Variants in CHODL observed in about 807,000 individuals in gnomAD.
CHODL encodes chondrolectin, also known as transmembrane protein MT75.
A neutral mutation model predicts 34.5 loss-of-function variants in CHODL; 29 were observed. That is an observed-to-expected ratio of 0.84 (90% CI 0.63 to 1.15). The LOEUF (loss-of-function observed/expected upper bound fraction) is 1.15, where lower values mean the gene tolerates loss of function less well. Ranked by LOEUF, CHODL falls within the 50% of genes most tolerant of loss-of-function variation. CHODL has a pLI of 0.00. For missense variants in CHODL, 332 were observed against 332.5 expected (o/e 1.00, Z 0.01); for synonymous variants, 125 against 116.1 (o/e 1.08, Z -0.49).
chr21:18,250,937 A>G (rs544660327), intron 1 of CHODL, among the ~76,000 whole-genome samples: 1 of 151,836 alleles, frequency 6.6e-6, no homozygotes, highest in East Asian at 1.9e-4. Context: ...TGAAAAAGTG[A>G]TATAAATTCA....
At chr21:17,987,513 C>A (rs1166214003) in intron 1 of CHODL, among the ~76,000 whole-genome samples, 1 of 152,130 alleles carries the variant, frequency 6.6e-6, no homozygotes, top group Admixed American at 6.5e-5. Context: ...TCACAGCTGC[C>A]ACTTGAAGCT....
intron 1 of CHODL, among the ~76,000 whole-genome samples, chr21:17,939,712 C>T (rs1263409991): frequency 1.3e-5 from 2 of 152,182 alleles, no homozygotes; most frequent in South Asian, 4.1e-4. Context: ...CTCACATTGT[C>T]CGTGAATAAA....
At chr21:17,980,704 G>T (rs891897735) in intron 1 of CHODL, among the ~76,000 whole-genome samples, 9 of 152,166 alleles carry the variant, frequency 5.9e-5, no homozygotes, top group Non-Finnish European at 1.2e-4. Context: ...ACTGGTCTGA[G>T]AAAGAACTTA....
intron 2 of CHODL, among the ~76,000 whole-genome samples, chr21:18,197,143 T>C (rs1414125466): frequency 6.6e-6 from 1 of 152,098 alleles, no homozygotes; most frequent in African/African-American, 2.4e-5. Flanking sequence ...TGCACCTCAA[T>C]AAAGGTGAAA....
intron 1 of CHODL, among the ~76,000 whole-genome samples, chr21:17,976,270 GAAAAAAAAAAAAAA>G (rs71318119): frequency 7.5e-5 from 5 of 66,534 alleles, no homozygotes; most frequent in Non-Finnish European, 1.3e-4. Context: ...GACCATCTCA[GAAAAAAAAAAAAAA>G]AAAAAAAAAA....
intron 2 of CHODL, among the ~76,000 whole-genome samples, chr21:18,108,946 C>T (rs2065312475): frequency 6.6e-6 from 1 of 151,602 alleles, no homozygotes; most frequent in African/African-American, 2.4e-5. Flanking sequence ...TAATGTAATT[C>T]ACATATCACA....
intron 1 of CHODL, among the ~76,000 whole-genome samples, chr21:17,973,006 A>T (rs113738154): frequency 4.1e-4 from 63 of 152,154 alleles, no homozygotes; most frequent in African/African-American, 1.5e-3. Flanking sequence ...CCACCATCTG[A>T]TCTTTGACAA....
At chr21:18,136,734 ATATATATATATATATATATG>A (rs1284126297) in intron 2 of CHODL, among the ~76,000 whole-genome samples, 3 of 125,332 alleles carry the variant, frequency 2.4e-5, no homozygotes, top group African/African-American at 1.4e-4. Context: ...ATATATATAT[ATATATATATATATATATATG>A]TATACACATA....
chr21:18,074,610 G>A (rs1219232786), intron 2 of CHODL, among the ~76,000 whole-genome samples: 1 of 151,994 alleles, frequency 6.6e-6, no homozygotes, highest in Non-Finnish European at 1.5e-5. Context: ...AACTTGTGGT[G>A]GGCTGTCCTT....
chr21:17,942,560 G>C (rs1416749713), intron 1 of CHODL, among the ~76,000 whole-genome samples: 1 of 152,080 alleles, frequency 6.6e-6, no homozygotes, highest in Non-Finnish European at 1.5e-5. Flanking sequence ...TCAGGAGTGT[G>C]AAAGTGGACT....
chr21:18,109,096 G>T (rs2065314899), intron 2 of CHODL, among the ~76,000 whole-genome samples: 1 of 152,224 alleles, frequency 6.6e-6, no homozygotes, highest in South Asian at 2.1e-4. Context: ...CATTAATTAT[G>T]TAGCAGCAGT....
At position 17,926,710 on chromosome 21, in the gene CHODL, C is replaced by T. The variant is rs188678732; in HGVS notation, c.-145+9310C>T. Among the ~76,000 whole-genome samples, 422 of 152,182 alleles carry T rather than the reference C, an allele frequency of 2.8e-3. 3 individuals carry two copies. Among genetic ancestry groups the T allele is most frequent in the African/African-American group, 9.4e-3 (389 of 41,510 alleles). ...CCTCCACCTGGTCCCGCCCTTGACACGTGGATTATAGGGATTACAATTCAA... is the reference window on the plus strand; with the variant it reads ...CCTCCACCTGGTCCCGCCCTTGACATGTGGATTATAGGGATTACAATTCAA... On this transcript the variant is annotated intron_variant, in intron 1 of 6. Coordinates refer to the CHODL transcript ENST00000400127.
chr21:17,941,976 T>G lies in CHODL; in HGVS notation c.-145+24576T>G, dbSNP rs556798693. On this transcript the variant is annotated intron_variant, in intron 1 of 6. Coordinates refer to the CHODL transcript ENST00000400127. ...CCCATTCATGACGCCTTCACTCTTA[T>G]GACCTTATCTTCCAACAGCCCCATT... Among the ~76,000 whole-genome samples the G allele has an allele frequency of 6.2e-4, 94 of 152,326 alleles. 1 individual carries two copies. Among genetic ancestry groups the G allele is most frequent in the African/African-American group, 2.2e-3 (92 of 41,576 alleles).
intron 2 of CHODL, among the ~76,000 whole-genome samples, chr21:18,214,837 C>T (rs767092105): frequency 1.3e-5 from 2 of 151,974 alleles, no homozygotes; most frequent in Non-Finnish European, 2.9e-5. Context: ...ACAGCGTAGA[C>T]CAATCTCACA....
chr21:18,251,745 ATTT>A (rs2074258806), intron 1 of CHODL, among the ~76,000 whole-genome samples: 1 of 136,744 alleles, frequency 7.3e-6, no homozygotes, highest in Non-Finnish European at 1.5e-5. Context: ...TATTTATTTT[ATTT>A]ATTTATTTTA....
Position 17,973,036 on chromosome 21 carries a change from T to TG in CHODL, c.-144-54832dup, listed in dbSNP as rs2063629063. Among the ~76,000 whole-genome samples, 7 of 152,238 alleles carry TG rather than the reference T, an allele frequency of 4.6e-5. 1 individual carries two copies. The South Asian group carries it at 1.5e-3, about 32-fold the overall frequency. On this transcript the variant is annotated intron_variant, in intron 1 of 6. Coordinates refer to the CHODL transcript ENST00000400127. ...TGACAAACCTGACAAAAACAAGCAATGGGGAAAGAATTCCTTATTTAATAA... is the reference window on the plus strand; with the variant it reads ...TGACAAACCTGACAAAAACAAGCAATGGGGGAAAGAATTCCTTATTTAATAA...
At chr21:18,144,900 G>T (rs2072850251) in intron 2 of CHODL, among the ~76,000 whole-genome samples, 1 of 148,260 alleles carries the variant, frequency 6.7e-6, no homozygotes, top group Non-Finnish European at 1.5e-5. Flanking sequence ...ACAAAGTAAA[G>T]GTTCAAAACA....
chr21:18,199,195 A>G (rs2073624200), intron 2 of CHODL, among the ~76,000 whole-genome samples: 1 of 152,168 alleles, frequency 6.6e-6, no homozygotes, highest in African/African-American at 2.4e-5. Flanking sequence ...AAATAAAGTG[A>G]CTGCTCATAA....
chr21:18,043,031 T>C (rs2064395618), intron 2 of CHODL, among the ~76,000 whole-genome samples: 1 of 152,012 alleles, frequency 6.6e-6, no homozygotes, highest in African/African-American at 2.4e-5. Flanking sequence ...GAGAAAAGTC[T>C]ACATTAGGAA....
Sources: gnomAD v4.1 joint callset for allele counts (sites outside exome capture counted in the v4.1 genomes callset) on GRCh38, gnomAD v4.1.1 for gene constraint, MANE v1.5 for transcripts, NCBI Gene and HGNC (gene_info 2026-07-23, HGNC 2026-07-21) for gene names.